ERC2: variants seen among roughly 807,000 people sequenced by gnomAD.
ERC2 encodes the protein ELKS/RAB6-interacting/CAST family member 2, also known as ERC protein 2.
In ERC2, 42 loss-of-function variants were observed where a neutral mutation model predicts 114.8. That is an observed-to-expected ratio of 0.37 (90% CI 0.29 to 0.47). The LOEUF (loss-of-function observed/expected upper bound fraction) is 0.47, where lower values mean the gene tolerates loss of function less well. Among genes scored for constraint, ERC2 ranks in the 20% least tolerant of loss-of-function variants. The pLI is 0.99. For synonymous variants in ERC2, 454 were observed against 425.5 expected (o/e 1.07, Z -0.82); for missense variants, 939 against 1,150.7 (o/e 0.82, Z 2.66).
chr3:55,560,696 C>G (rs555982232), intron 17 of ERC2, among the ~76,000 whole-genome samples: 1 of 152,274 alleles, frequency 6.6e-6, no homozygotes, highest in South Asian at 2.1e-4. Context: ...CCATAAAATT[C>G]TGATATGTAA....
intron 14 of ERC2, among the ~76,000 whole-genome samples, chr3:55,735,609 C>T (rs2065582747): frequency 6.6e-6 from 1 of 152,148 alleles, no homozygotes; most frequent in Non-Finnish European, 1.5e-5. Context: ...ATCTAAGCAC[C>T]CCTTAATGCC....
chr3:55,541,040 T>C (rs1193961026), intron 17 of ERC2, among the ~76,000 whole-genome samples: 1 of 152,134 alleles, frequency 6.6e-6, no homozygotes, highest in Non-Finnish European at 1.5e-5. Context: ...GAAGGGAATT[T>C]CAGAAACTCA....
chr3:55,788,775 A>AT (rs1328070469), intron 14 of ERC2, among the ~76,000 whole-genome samples: 1 of 152,124 alleles, frequency 6.6e-6, no homozygotes, highest in Non-Finnish European at 1.5e-5. Flanking sequence ...ATTTTTATTT[A>AT]TTTTTTAAAA....
At chr3:55,576,902 T>C (rs2057011713) in intron 17 of ERC2, among the ~76,000 whole-genome samples, 1 of 152,274 alleles carries the variant, frequency 6.6e-6, no homozygotes, top group African/African-American at 2.4e-5. Flanking sequence ...CTGTGGCCTT[T>C]CCTGAGCCCT....
chr3:55,998,826 T>G (rs1279278337), intron 10 of ERC2, among the ~76,000 whole-genome samples: 2 of 152,150 alleles, frequency 1.3e-5, no homozygotes, highest in Non-Finnish European at 2.9e-5. Context: ...TGTAAACACT[T>G]ACGTAAAATG....
At chr3:56,446,457 T>C (rs761187942) in intron 1 of ERC2, among the ~76,000 whole-genome samples, 15 of 152,042 alleles carry the variant, frequency 9.9e-5, no homozygotes, top group Non-Finnish European at 2.1e-4. Context: ...TGAGGAAGGC[T>C]ATATGTCCTA....
intron 15 of ERC2, among the ~76,000 whole-genome samples, chr3:55,700,264 A>T (rs1157605950): frequency 3.9e-5 from 6 of 152,214 alleles, no homozygotes; most frequent in African/African-American, 1.4e-4. Context: ...AGTTGGCCTG[A>T]CAGGCTCTCA....
intron 1 of ERC2, among the ~76,000 whole-genome samples, chr3:56,447,504 C>T (rs2062633788): frequency 6.6e-6 from 1 of 152,142 alleles, no homozygotes; most frequent in Admixed American, 6.5e-5. Context: ...TAAACTGGCA[C>T]ATGGGTTCCA....
At chr3:56,327,826 T>A (rs2057433963) in intron 2 of ERC2, among the ~76,000 whole-genome samples, 1 of 152,122 alleles carries the variant, frequency 6.6e-6, no homozygotes, top group Non-Finnish European at 1.5e-5. Flanking sequence ...TGAAACTGAG[T>A]CATCCCAAGG....
At chr3:56,435,236 A>G in intron 1 of ERC2, 89 bp from the exon 2 acceptor site, 1 of 449,844 alleles carries the variant, frequency 2.2e-6, no homozygotes, top group Middle Eastern at 6.2e-4. Context: ...ATAATGATAG[A>G]TGTACCTATG....
chr3:55,957,454 G>A (rs888752163), intron 12 of ERC2, among the ~76,000 whole-genome samples: 2 of 152,196 alleles, frequency 1.3e-5, no homozygotes, highest in Non-Finnish European at 2.9e-5. Context: ...CACAGTGAGT[G>A]CTTTATAAAT....
intron 3 of ERC2, among the ~76,000 whole-genome samples, chr3:56,247,857 T>C (rs2051825695): frequency 6.6e-6 from 1 of 152,208 alleles, no homozygotes; most frequent in East Asian, 1.9e-4. Flanking sequence ...CTTTAGATTC[T>C]TCCTTTGCAA....
Position 56,139,607 on chromosome 3 carries a change from T to C in ERC2, c.1375A>G (p.Thr459Ala), listed in dbSNP as rs769716303. ...CAATCTGAATTTTGATTGCTGAGGG[T>C]TTCAAGCTTTGTTTGTAAGGCAAGA... Reference protein sequence around the residue: ...ELLALQTKLETLSNQNSDCKQ... With the variant: ...ELLALQTKLEALSNQNSDCKQ... Residue 459 changes from threonine to alanine, a missense_variant, in exon 6 of 18, where the codon ACC (threonine) becomes GCC (alanine). Coordinates refer to ENST00000288221, the MANE Select transcript of ERC2 (RefSeq NM_015576.3). 5.6e-6 allele frequency: 9 copies of C among 1,613,002 alleles called. No individual in the cohort carries two copies. The highest frequency in any genetic ancestry group is 7.6e-6 in the Non-Finnish European group (9 of 1,179,554).
intron 6 of ERC2, among the ~76,000 whole-genome samples, chr3:56,096,564 A>G (rs1365189042): frequency 6.6e-6 from 1 of 152,260 alleles, no homozygotes; most frequent in Non-Finnish European, 1.5e-5. Flanking sequence ...CCTTTCTGAC[A>G]TATATAGATA....
At chr3:56,308,219 C>T (rs1356542374) in intron 2 of ERC2, among the ~76,000 whole-genome samples, 1 of 152,206 alleles carries the variant, frequency 6.6e-6, no homozygotes, top group South Asian at 2.1e-4. Flanking sequence ...TTAGCAGATA[C>T]AGGCCAGTGT....
intron 14 of ERC2, among the ~76,000 whole-genome samples, chr3:55,875,825 C>A (rs115834786): frequency 0.026 from 3,952 of 152,036 alleles, 189 homozygotes; most frequent in African/African-American, 0.09. Flanking sequence ...CATGCTGAGA[C>A]AATGCAGAAA....
chr3:55,576,649 GAT>G (rs1315362859), intron 17 of ERC2, among the ~76,000 whole-genome samples: 2 of 152,254 alleles, frequency 1.3e-5, no homozygotes, highest in Admixed American at 1.3e-4. Flanking sequence ...CAAGCCAAGA[GAT>G]AGAGAAGCAG....
chr3:55,643,810 T>C (rs951224113), intron 17 of ERC2, among the ~76,000 whole-genome samples: 1 of 152,200 alleles, frequency 6.6e-6, no homozygotes, highest in African/African-American at 2.4e-5. Context: ...ATAAAATATT[T>C]AGAGAAAAAA....
chr3:56,031,924 A>C, intron 7 of ERC2, among the ~76,000 whole-genome samples: 1 of 152,178 alleles, frequency 6.6e-6, no homozygotes, highest in East Asian at 1.9e-4. Context: ...TCAATCTTGG[A>C]GGTGGAGCCT....
Sources: allele counts gnomAD v4.1 joint callset (sites outside exome capture counted in the v4.1 genomes callset), GRCh38; gene constraint gnomAD v4.1.1; transcripts MANE v1.5; gene names NCBI Gene and HGNC (gene_info 2026-07-23, HGNC 2026-07-21).